The following NETO1 variants were observed in gnomAD, a reference collection of about 807,000 sequenced individuals.
NETO1 encodes the protein neuropilin and tolloid like 1.
Under a neutral mutation model 61.3 loss-of-function variants are expected in NETO1, and 26 were observed. The observed-to-expected ratio is 0.42, with a 90% CI of 0.31 to 0.59. The LOEUF (loss-of-function observed/expected upper bound fraction) is 0.59, where lower values mean the gene tolerates loss of function less well. NETO1 is among the 20% of genes least tolerant of loss of function. The pLI is 0.12. For synonymous variants in NETO1, 225 were observed against 225.8 expected, an observed-to-expected ratio of 1.00 and a Z score of 0.03; for missense variants, 531 against 662.8, an observed-to-expected ratio of 0.80 and a Z score of 2.18.
intron 1 of NETO1, 117 bp downstream of exon 1, chr18:72,867,147 G>T: frequency 1.4e-6 from 1 of 695,014 alleles, no homozygotes; most frequent in Non-Finnish European, 2.2e-6. Context: ...CGACCCGCGC[G>T]GGACTGCAGG....
chr18:72,744,139 A>G lies in NETO1; in HGVS notation c.*4040T>C, dbSNP rs1377386640. On this transcript the variant is annotated 3_prime_UTR_variant, in exon 11 of 11. Transcript: ENST00000327305. ...ATTTACCTCTTTAATAATACACAAG[A>G]AAGTACAGAATCAGAGGCTACAAGA... 6.6e-6 allele frequency: 1 copy of G among 152,172 alleles called. No individual in the cohort carries two copies. Among genetic ancestry groups the G allele is most frequent in the African/African-American group, 2.4e-5 (1 of 41,448 alleles). The allele number at this position is 152,172 out of a possible 1,614,324, so 9.4% of individuals were successfully genotyped here.
At chr18:72,786,805 G>T (rs2071934549) in intron 6 of NETO1, among the ~76,000 whole-genome samples, 1 of 150,314 alleles carries the variant, frequency 6.7e-6, no homozygotes, top group Non-Finnish European at 1.5e-5. Flanking sequence ...TTTTTTCAAT[G>T]TTAACATGAC....
chr18:72,773,833 T>C (rs1486069127), intron 7 of NETO1, among the ~76,000 whole-genome samples: 2 of 151,722 alleles, frequency 1.3e-5, no homozygotes, highest in African/African-American at 2.4e-5. Context: ...AACAAACTAA[T>C]ACAAGGTGAG....
chr18:72,817,132 T>C (rs935499482), intron 4 of NETO1, among the ~76,000 whole-genome samples: 9 of 152,230 alleles, frequency 5.9e-5, no homozygotes, highest in African/African-American at 2.2e-4. Flanking sequence ...GAGTTTACCC[T>C]GTGACTTCTT....
chr18:72,806,043 G>T (rs1415084013), intron 4 of NETO1, among the ~76,000 whole-genome samples: 4 of 152,132 alleles, frequency 2.6e-5, no homozygotes, highest in Non-Finnish European at 5.9e-5. Context: ...GCTGCCCCAG[G>T]AAACAAGTAT....
intron 10 of NETO1, 64 bp downstream of exon 10, chr18:72,748,950 C>G: frequency 5.0e-6 from 5 of 998,194 alleles, no homozygotes; most frequent in Non-Finnish European, 8.0e-6. Context: ...TAAAAAACTA[C>G]AAGACAGTTG....
intron 4 of NETO1, among the ~76,000 whole-genome samples, chr18:72,837,801 C>A (rs1407551578): frequency 1.3e-5 from 2 of 152,164 alleles, no homozygotes; most frequent in Non-Finnish European, 2.9e-5. Context: ...AAAACAAACA[C>A]CACCACCAAC....
chr18:72,749,536 T>A lies in NETO1; in HGVS notation c.1542-448A>T, dbSNP rs180783830. On this transcript the variant is annotated intron_variant, in intron 9 of 10. Transcript: ENST00000327305. ...ATACTATCCTATGCAATTCCTAATA[T>A]AAATATTATGTAATATGTGAAAGAA... 4.8e-4 allele frequency among the ~76,000 whole-genome samples: 73 copies of A among 152,220 alleles called. 1 individual carries two copies. In the East Asian group the frequency reaches 0.013, roughly 28 times the overall value.
chr18:72,847,493 T>C (rs146025842), intron 4 of NETO1, among the ~76,000 whole-genome samples: 12 of 152,150 alleles, frequency 7.9e-5, no homozygotes, highest in African/African-American at 2.4e-4. Flanking sequence ...CCTTAAAGAG[T>C]GCCAGGTTCT....
chr18:72,799,022 T>C (rs1453081303), intron 4 of NETO1, among the ~76,000 whole-genome samples: 1 of 152,202 alleles, frequency 6.6e-6, no homozygotes, highest in Non-Finnish European at 1.5e-5. Flanking sequence ...ACAGAAGCAA[T>C]TGTTGAAAAC....
chr18:72,790,599 T>C (rs1458349624), intron 6 of NETO1, among the ~76,000 whole-genome samples: 1 of 152,010 alleles, frequency 6.6e-6, no homozygotes, highest in Non-Finnish European at 1.5e-5. Context: ...TCTGCTTGGA[T>C]TCCTCCGGTG....
At chr18:72,797,484 T>C (rs2072356958) in intron 4 of NETO1, among the ~76,000 whole-genome samples, 2 of 152,180 alleles carry the variant, frequency 1.3e-5, no homozygotes. Context: ...ACAGCCTAAA[T>C]TGAACTAAGA....
chr18:72,850,812 T>A (rs1192901244), intron 4 of NETO1, among the ~76,000 whole-genome samples: 2 of 152,162 alleles, frequency 1.3e-5, no homozygotes, highest in African/African-American at 2.4e-5. Flanking sequence ...GGGGTGTGGG[T>A]GCTGGTCATT....
intron 6 of NETO1, among the ~76,000 whole-genome samples, chr18:72,785,309 A>G (rs1471684510): frequency 6.6e-6 from 1 of 152,152 alleles, no homozygotes; most frequent in Non-Finnish European, 1.5e-5. Context: ...GTGAAAATGT[A>G]TCTCTTGTCC....
At chr18:72,811,158 C>T (rs530559744) in intron 4 of NETO1, among the ~76,000 whole-genome samples, 1 of 152,248 alleles carries the variant, frequency 6.6e-6, no homozygotes, top group African/African-American at 2.4e-5. Context: ...CATGCCTTTG[C>T]CCCTCCATCC....
intron 7 of NETO1, among the ~76,000 whole-genome samples, chr18:72,781,876 T>C (rs72966359): frequency 0.03 from 3,538 of 116,272 alleles, 35 homozygotes; most frequent in Middle Eastern, 0.04. Flanking sequence ...AGATTCGGGG[T>C]ACATGTGCAG....
At chr18:72,797,842 G>A (rs992997384) in intron 4 of NETO1, among the ~76,000 whole-genome samples, 1 of 152,062 alleles carries the variant, frequency 6.6e-6, no homozygotes, top group Non-Finnish European at 1.5e-5. Flanking sequence ...CTCTGTACCA[G>A]GAACTTGTCC....
chr18:72,867,350 C>T lies in NETO1; in HGVS notation c.-59G>A, dbSNP rs1014025485. Reference sequence around the variant, plus strand: ...CTAATTCCATTTAGAGACGGGAAGACTTCCAGTGGCGGGGGGAGGACAGGG... The same window carrying T: ...CTAATTCCATTTAGAGACGGGAAGATTTCCAGTGGCGGGGGGAGGACAGGG... On this transcript the variant is annotated 5_prime_UTR_variant, in exon 1 of 11. Coordinates refer to ENST00000327305, the MANE Select transcript of NETO1 (RefSeq NM_138966.5). 1.0e-5 allele frequency: 15 copies of T among 1,463,694 alleles called. No individual in the cohort carries two copies. The highest frequency in any genetic ancestry group is 7.4e-6 in the Non-Finnish European group (8 of 1,081,340). The allele number at this position is 1,463,694 out of a possible 1,614,324, so 90.7% of individuals were successfully genotyped here. A position where few individuals can be genotyped will look rare whatever the true frequency, so the allele number is the denominator to read the frequency against.
At chr18:72,866,273 C>T (rs148379795) in intron 1 of NETO1, among the ~76,000 whole-genome samples, 4 of 152,286 alleles carry the variant, frequency 2.6e-5, no homozygotes, top group South Asian at 2.1e-4. Context: ...CAGGCTTATA[C>T]ATTTATACTT....
Sources: allele counts gnomAD v4.1 joint callset (sites outside exome capture counted in the v4.1 genomes callset), GRCh38; gene constraint gnomAD v4.1.1; transcripts MANE v1.5; gene names NCBI Gene and HGNC (gene_info 2026-07-23, HGNC 2026-07-21).